TBC1D22A: variants seen among roughly 807,000 people sequenced by gnomAD.
TBC1D22A encodes the protein putative GTPase activator.
In TBC1D22A, 38 loss-of-function variants were observed where a neutral mutation model predicts 60.2. That is an observed-to-expected ratio of 0.63 (90% confidence interval 0.49 to 0.83). The LOEUF is 0.83. Ranked by LOEUF, TBC1D22A falls within the 40% of genes least tolerant of loss-of-function variation. TBC1D22A has a pLI of 0.00. For synonymous variants in TBC1D22A, 302 were observed against 281.7 expected, an observed-to-expected ratio of 1.07 and a Z score of -0.72; for missense variants, 628 against 701.0, an observed-to-expected ratio of 0.90 and a Z score of 1.18.
chr22:47,081,642 A>T (rs1214477208), intron 11 of TBC1D22A, among the ~76,000 whole-genome samples: 1 of 152,230 alleles, frequency 6.6e-6, no homozygotes, highest in Non-Finnish European at 1.5e-5. Context: ...AATCAAATGT[A>T]TTTCTGTATA....
At chr22:47,086,612 A>G (rs544164413) in intron 11 of TBC1D22A, among the ~76,000 whole-genome samples, 1 of 152,300 alleles carries the variant, frequency 6.6e-6, no homozygotes, top group South Asian at 2.1e-4. Flanking sequence ...CCCCCTATAT[A>G]CTAACAGTGT....
chr22:47,166,665 A>G (rs1218076039), intron 12 of TBC1D22A, among the ~76,000 whole-genome samples: 1 of 152,164 alleles, frequency 6.6e-6, no homozygotes, highest in East Asian at 1.9e-4. Context: ...ACACACACTC[A>G]TACATGTACG....
intron 1 of TBC1D22A, among the ~76,000 whole-genome samples, chr22:46,772,146 CAT>C (rs1228469262): frequency 8.3e-5 from 1 of 12,074 alleles, no homozygotes; most frequent in Non-Finnish European, 1.6e-4. Flanking sequence ...TGTATACACA[CAT>C]ATACATATAT....
chr22:46,974,478 C>T, intron 9 of TBC1D22A, 79 bp downstream of exon 9: 1 of 1,226,226 alleles, frequency 8.2e-7, no homozygotes, highest in Non-Finnish European at 1.2e-6. Context: ...TAGGCTGCTC[C>T]TGAGTCTCAG....
chr22:46,837,603 G>A (rs148754861), intron 4 of TBC1D22A, among the ~76,000 whole-genome samples: 6 of 152,248 alleles, frequency 3.9e-5, no homozygotes, highest in African/African-American at 7.2e-5. Context: ...TCACAAATAC[G>A]TGAACAAGAC....
intron 4 of TBC1D22A, among the ~76,000 whole-genome samples, chr22:46,852,354 C>T (rs954831440): frequency 7.9e-5 from 12 of 152,236 alleles, no homozygotes; most frequent in African/African-American, 1.4e-4. Flanking sequence ...GCTGCTGCTG[C>T]GTGTGCCCCC....
chr22:47,090,694 T>TA (rs1434799774), intron 11 of TBC1D22A, among the ~76,000 whole-genome samples: 1 of 151,870 alleles, frequency 6.6e-6, no homozygotes, highest in Non-Finnish European at 1.5e-5. Flanking sequence ...TGCGTGTTGA[T>TA]AGAGACAGGC....
chr22:46,987,265 G>C (rs1466643538), intron 9 of TBC1D22A, among the ~76,000 whole-genome samples: 1 of 152,084 alleles, frequency 6.6e-6, no homozygotes, highest in South Asian at 2.1e-4. Flanking sequence ...AGTGGCATTG[G>C]TCACCTCCTG....
At chr22:46,875,343 C>T (rs2067502577) in intron 4 of TBC1D22A, among the ~76,000 whole-genome samples, 1 of 152,192 alleles carries the variant, frequency 6.6e-6, no homozygotes, top group African/African-American at 2.4e-5. Flanking sequence ...ACAGGCAAGT[C>T]CCGTCTATGG....
At chr22:47,052,070 T>G (rs1158046320) in intron 11 of TBC1D22A, among the ~76,000 whole-genome samples, 1 of 152,028 alleles carries the variant, frequency 6.6e-6, no homozygotes, top group East Asian at 1.9e-4. Context: ...AGGCTCTCAC[T>G]GGGCCTCCTG....
intron 11 of TBC1D22A, among the ~76,000 whole-genome samples, chr22:47,103,804 G>A (rs1321049069): frequency 1.3e-5 from 2 of 152,094 alleles, no homozygotes; most frequent in Non-Finnish European, 2.9e-5. Context: ...TGTTTAACGG[G>A]TCTGGAGAGT....
rs533762923 is a variant in TBC1D22A at position 46,969,310 on chromosome 22, A to G, written c.1016-4980A>G. 2.6e-5 allele frequency among the ~76,000 whole-genome samples: 4 copies of G among 151,084 alleles called. No individual in the cohort carries two copies. The East Asian group carries it at 5.8e-4, about 22-fold the overall frequency. The stretch of plus-strand genomic sequence containing the variant: ...GAAAATAGTGCAAATTTCCCGCCCC[A>G]CTCCCCCCACCTTGCAGGAGTGTTC... On this transcript the variant is annotated intron_variant, in intron 8 of 12. Transcript: ENST00000337137.
chr22:46,904,109 A>ATCTG (rs1176935651), intron 7 of TBC1D22A, among the ~76,000 whole-genome samples: 52 of 65,678 alleles, frequency 7.9e-4, no homozygotes, highest in African/African-American at 3.4e-3. Context: ...CTATCTATCT[A>ATCTG]TCTATCTATC....
intron 4 of TBC1D22A, among the ~76,000 whole-genome samples, chr22:46,801,723 G>A (rs1228157968): frequency 6.6e-6 from 1 of 152,202 alleles, no homozygotes; most frequent in African/African-American, 2.4e-5. Context: ...GGCCCTCAAG[G>A]CTTTCGAACG....
At chr22:46,993,907 C>T (rs970525683) in intron 9 of TBC1D22A, among the ~76,000 whole-genome samples, 3 of 152,200 alleles carry the variant, frequency 2.0e-5, no homozygotes, top group Non-Finnish European at 4.4e-5. Flanking sequence ...GGGCCCAGAC[C>T]GACCCCCCTG....
At chr22:46,961,028 A>T (rs1005319108) in intron 8 of TBC1D22A, among the ~76,000 whole-genome samples, 3 of 151,722 alleles carry the variant, frequency 2.0e-5, no homozygotes, top group African/African-American at 7.3e-5. Context: ...AGAAAAAAAA[A>T]AAACAAAACC....
At chr22:47,060,872 C>G (rs73471676) in intron 11 of TBC1D22A, among the ~76,000 whole-genome samples, 3,757 of 152,288 alleles carry the variant, frequency 0.025, 146 homozygotes, top group African/African-American at 0.086. Flanking sequence ...CCATGCCGCT[C>G]GACTCCCATC....
chr22:46,962,595 C>T (rs768699983), intron 8 of TBC1D22A, among the ~76,000 whole-genome samples: 14 of 152,218 alleles, frequency 9.2e-5, no homozygotes, highest in Non-Finnish European at 1.8e-4. Context: ...ATGTTTGAAA[C>T]GATGCCAGCG....
At chr22:47,111,124 G>A (rs2065828854) in intron 11 of TBC1D22A, among the ~76,000 whole-genome samples, 1 of 152,208 alleles carries the variant, frequency 6.6e-6, no homozygotes, top group Non-Finnish European at 1.5e-5. Flanking sequence ...CTGTGGAGTG[G>A]GAGGAGGCCT....
Sources: allele counts gnomAD v4.1 joint callset (sites outside exome capture counted in the v4.1 genomes callset), GRCh38; gene constraint gnomAD v4.1.1; transcripts MANE v1.5; gene names NCBI Gene and HGNC (gene_info 2026-07-23, HGNC 2026-07-21).